The following PARD3 variants were observed in gnomAD, a reference collection of about 807,000 sequenced individuals.
PARD3 encodes the protein par-3 family cell polarity regulator, also known as partitioning defective 3 homolog.
In PARD3, 75 loss-of-function variants were observed where a neutral mutation model predicts 155.4. The observed-to-expected ratio is 0.48, with a 90% confidence interval of 0.40 to 0.58. The LOEUF (loss-of-function observed/expected upper bound fraction) is 0.58. PARD3 is among the 20% of genes least tolerant of loss of function. The pLI is 0.00. For missense variants in PARD3, 1,642 were observed against 1,721.7 expected (o/e 0.95, Z 0.82); for synonymous variants, 576 against 610.5 (o/e 0.94, Z 0.83).
At chr10:34,450,851 T>C (rs1239200688) in intron 4 of PARD3, among the ~76,000 whole-genome samples, 2 of 152,204 alleles carry the variant, frequency 1.3e-5, no homozygotes, top group Non-Finnish European at 2.9e-5. Flanking sequence ...TGAGGTACCA[T>C]CTTAATTCAT....
intron 3 of PARD3, among the ~76,000 whole-genome samples, chr10:34,500,281 A>AT (rs1564784076): frequency 6.6e-6 from 1 of 152,260 alleles, no homozygotes; most frequent in Non-Finnish European, 1.5e-5. Context: ...GAAAATTTTA[A>AT]TTATCTAAAA....
chr10:34,179,946 C>T (rs1280082951), intron 22 of PARD3, among the ~76,000 whole-genome samples: 1 of 151,552 alleles, frequency 6.6e-6, no homozygotes, highest in Non-Finnish European at 1.5e-5. Context: ...TTTGTGGGAG[C>T]ATAGTAGGGG....
intron 21 of PARD3, among the ~76,000 whole-genome samples, chr10:34,278,496 G>A (rs534209314): frequency 1.2e-4 from 18 of 152,158 alleles, no homozygotes; most frequent in South Asian, 6.2e-4. Flanking sequence ...TAATCCCCAC[G>A]TGTCATGGGA....
chr10:34,398,308 A>G (rs879680594), intron 7 of PARD3, among the ~76,000 whole-genome samples: 3 of 152,194 alleles, frequency 2.0e-5, no homozygotes, highest in Admixed American at 2.0e-4. Flanking sequence ...GCATAGTTTA[A>G]TCCCACACAT....
intron 22 of PARD3, among the ~76,000 whole-genome samples, chr10:34,133,708 C>T (rs1030579377): frequency 7.9e-5 from 12 of 152,246 alleles, no homozygotes; most frequent in African/African-American, 2.6e-4. Flanking sequence ...AATTCTCAAA[C>T]GGACATAAGT....
At chr10:34,205,691 C>T (rs1288096763) in intron 22 of PARD3, among the ~76,000 whole-genome samples, 2 of 152,172 alleles carry the variant, frequency 1.3e-5, no homozygotes, top group African/African-American at 4.8e-5. Flanking sequence ...ATGGCGGCAG[C>T]AGAGGCTGGG....
In PARD3 at chr10:34,560,423, G is replaced by T. The variant is rs1029152096; in HGVS notation, c.223-43264C>A. On this transcript the variant is annotated intron_variant, in intron 2 of 24. Coordinates refer to ENST00000374788, the MANE Select transcript of PARD3 (RefSeq NM_001184785.2). The stretch of plus-strand genomic sequence containing the variant: ...ATCAATTCTCATTCTAATATTTGAC[G>T]AGTTCAGGGGGTTGTTACATGTGAA... Among the ~76,000 whole-genome samples the T allele has an allele frequency of 7.2e-5, 11 of 152,116 alleles. No homozygotes were observed. In the East Asian group the frequency reaches 1.4e-3, roughly 19 times the overall value.
At chr10:34,399,827 T>G (rs76594031) in intron 6 of PARD3, among the ~76,000 whole-genome samples, 2 of 152,228 alleles carry the variant, frequency 1.3e-5, no homozygotes, top group South Asian at 2.1e-4. Flanking sequence ...AACAAAGATG[T>G]TGCAGCTACC....
intron 20 of PARD3, among the ~76,000 whole-genome samples, chr10:34,288,102 T>C (rs1265279134): frequency 6.6e-6 from 1 of 152,100 alleles, no homozygotes; most frequent in East Asian, 1.9e-4. Flanking sequence ...TCTCAGCTAC[T>C]CAAGGGGCTG....
chr10:34,267,830 G>T (rs1478219958), intron 22 of PARD3, among the ~76,000 whole-genome samples: 3 of 152,034 alleles, frequency 2.0e-5, no homozygotes, highest in Non-Finnish European at 4.4e-5. Context: ...GCAAATTATT[G>T]GGCTCAACCT....
At chr10:34,419,292 C>T (rs1157353129) in intron 5 of PARD3, among the ~76,000 whole-genome samples, 1 of 151,888 alleles carries the variant, frequency 6.6e-6, no homozygotes, top group African/African-American at 2.4e-5. Context: ...CTGAGGCAGG[C>T]GATCACCTGA....
chr10:34,485,877 T>G (rs1455820867), intron 3 of PARD3, among the ~76,000 whole-genome samples: 1 of 151,930 alleles, frequency 6.6e-6, no homozygotes, highest in African/African-American at 2.4e-5. Context: ...TATATTTTAT[T>G]GCTACAAAGA....
intron 3 of PARD3, among the ~76,000 whole-genome samples, chr10:34,501,491 T>C (rs781294484): frequency 6.6e-6 from 1 of 152,202 alleles, no homozygotes; most frequent in East Asian, 1.9e-4. Context: ...CAGTCCCAGG[T>C]ATTTCTTTAT....
At chr10:34,517,591 T>C (rs904533132) in intron 2 of PARD3, among the ~76,000 whole-genome samples, 1 of 152,182 alleles carries the variant, frequency 6.6e-6, no homozygotes, top group Non-Finnish European at 1.5e-5. Context: ...ACTAAACATG[T>C]ATCTTCTCAT....
At position 34,240,768 on chromosome 10, in the gene PARD3, G is replaced by T. The variant is rs565525765; in HGVS notation, c.3419+28889C>A. Among the ~76,000 whole-genome samples the T allele has an allele frequency of 2.6e-4, 39 of 152,276 alleles. No individual in the cohort carries two copies. The East Asian group carries it at 7.5e-3, about 29-fold the overall frequency. On this transcript the variant is annotated intron_variant, in intron 22 of 24. Transcript: ENST00000374788. ...CAACCTCCCCCTTCCTGTCTCCAGAGCAAGATTTTCTGAGGAGAGGTAAAC... is the reference window on the plus strand; with the variant it reads ...CAACCTCCCCCTTCCTGTCTCCAGATCAAGATTTTCTGAGGAGAGGTAAAC...
intron 22 of PARD3, among the ~76,000 whole-genome samples, chr10:34,185,862 T>C (rs1368033978): frequency 6.7e-6 from 1 of 149,274 alleles, no homozygotes; most frequent in African/African-American, 2.4e-5. Context: ...TATATTTGCA[T>C]AGGAATATCC....
intron 4 of PARD3, among the ~76,000 whole-genome samples, chr10:34,451,213 C>T (rs2077036683): frequency 6.6e-6 from 1 of 152,154 alleles, no homozygotes; most frequent in Non-Finnish European, 1.5e-5. Flanking sequence ...AGCTGTAAAA[C>T]CTCATTTCAA....
At chr10:34,798,705 C>CAAAAAAAAAAAAA (rs55803946) in intron 1 of PARD3, among the ~76,000 whole-genome samples, 1 of 114,748 alleles carries the variant, frequency 8.7e-6, no homozygotes, top group Non-Finnish European at 1.8e-5. Context: ...ACTCTGTCTC[C>CAAAAAAAAAAAAA]AAAAAAAAAA....
intron 21 of PARD3, among the ~76,000 whole-genome samples, chr10:34,271,749 T>C (rs1955619783): frequency 1.3e-5 from 2 of 152,134 alleles, no homozygotes; most frequent in Admixed American, 1.3e-4. Flanking sequence ...AGAAATAAAA[T>C]GCTTCTTACT....
Sources: allele counts gnomAD v4.1 joint callset (sites outside exome capture counted in the v4.1 genomes callset), GRCh38; gene constraint gnomAD v4.1.1; transcripts MANE v1.5; gene names NCBI Gene and HGNC (gene_info 2026-07-23, HGNC 2026-07-21).